FMO3: variants seen among roughly 807,000 people sequenced by gnomAD.
FMO3 encodes flavin containing dimethylaniline monoxygenase 3, also known as flavin-containing monooxygenase 3.
Under a neutral mutation model 39.4 loss-of-function variants are expected in FMO3, and 40 were observed. The ratio of observed to expected loss-of-function variants is 1.02; its 90% CI spans 0.79 to 1.32. FMO3 has a LOEUF of 1.32. Ranked by LOEUF, FMO3 falls within the 40% of genes most tolerant of loss-of-function variation. The pLI is 0.00. For synonymous variants in FMO3, 219 were observed against 228.8 expected, an observed-to-expected ratio of 0.96 and a Z score of 0.39; for missense variants, 680 against 651.8, an observed-to-expected ratio of 1.04 and a Z score of -0.47.
At chr1:171,096,759 A>AT (rs1208060382) in intron 2 of FMO3, among the ~76,000 whole-genome samples, 3 of 135,452 alleles carry the variant, frequency 2.2e-5, no homozygotes, top group Non-Finnish European at 3.1e-5. Flanking sequence ...TTATATTAAA[A>AT]ATATATAATT....
intron 8 of FMO3, 46 bp from the exon 9 acceptor site, chr1:171,117,052 TAC>T (rs1656187414): frequency 1.5e-6 from 2 of 1,366,528 alleles, no homozygotes; most frequent in African/African-American, 1.4e-5. Context: ...GTTCTGTTTC[TAC>T]ACAGAGTTTG....
intron 1 of FMO3, among the ~76,000 whole-genome samples, chr1:171,092,321 G>C (rs900571591): frequency 1.3e-5 from 2 of 152,178 alleles, no homozygotes; most frequent in African/African-American, 4.8e-5. Context: ...CTGAACTCAA[G>C]TGATCCTACC....
intron 2 of FMO3, among the ~76,000 whole-genome samples, chr1:171,094,937 A>G (rs1371509030): frequency 6.6e-6 from 1 of 152,166 alleles, no homozygotes; most frequent in Non-Finnish European, 1.5e-5. Flanking sequence ...TTGGTTCCAT[A>G]TGAATTTTTA....
intron 2 of FMO3, among the ~76,000 whole-genome samples, chr1:171,093,832 T>A (rs1557931090): frequency 2.2e-5 from 3 of 134,092 alleles, no homozygotes; most frequent in African/African-American, 8.5e-5. Flanking sequence ...AATATCTTTT[T>A]TTTTTTTTTT....
intron 7 of FMO3, 36 bp from the exon 8 acceptor site, chr1:171,116,172 T>G: frequency 1.6e-6 from 2 of 1,243,820 alleles, no homozygotes; most frequent in Non-Finnish European, 2.3e-6. Flanking sequence ...TATGCCAGAC[T>G]CATTAATTAC....
intron 6 of FMO3, among the ~76,000 whole-genome samples, chr1:171,113,199 TC>T (rs1358409405): frequency 6.6e-6 from 1 of 152,188 alleles, no homozygotes; most frequent in African/African-American, 2.4e-5. Flanking sequence ...TTCACATTCA[TC>T]CCTGGGTTCA....
Position 171,092,758 on chromosome 1 carries a change from A to T in FMO3, c.100A>T (p.Ser34Cys). 6.2e-7 allele frequency: 1 copy of T among 1,614,052 alleles called. No individual in the cohort carries two copies. Among genetic ancestry groups the T allele is most frequent in the Non-Finnish European group, 8.5e-7 (1 of 1,179,996 alleles). Residue 34 changes from serine to cysteine, a missense_variant, in exon 2 of 9, where the codon AGC becomes TGC. Physicochemically the swap from Ser to Cys is moderately radical, Grantham distance 112 (BLOSUM62 -1). Coordinates refer to ENST00000367755, the MANE Select transcript of FMO3 (RefSeq NM_001002294.3). ...GCTGGAGCCCACCTGCTTTGAGAAG[A>T]GCAATGACATTGGGGGCCTGTGGAA... The part of the protein sequence containing the change: ...EGLEPTCFEK[S>C]NDIGGLWKFS...
chr1:171,096,150 TGAA>T (rs1655023727), intron 2 of FMO3, among the ~76,000 whole-genome samples: 1 of 79,418 alleles, frequency 1.3e-5, no homozygotes, highest in African/African-American at 5.5e-5. Flanking sequence ...TATATTGATA[TGAA>T]TATATAATAT....
Position 171,096,677 on chromosome 1 carries a change from ATT to A in FMO3, c.132+3889_132+3890del, listed in dbSNP as rs1329741590. 7.4e-5 allele frequency among the ~76,000 whole-genome samples: 10 copies of A among 135,872 alleles called. No homozygotes were observed. The East Asian group carries it at 2.2e-3, about 30-fold the overall frequency. 89.1% of individuals were successfully genotyped at this position (135,872 alleles called of 152,430 possible). A position where few individuals can be genotyped will look rare whatever the true frequency, so the allele number is the denominator to read the frequency against. ...TTTATATTTAAAATATATATTTTATATTTAAAATATAATTAATATAATTATAT... is the reference window on the plus strand; with the variant it reads ...TTTATATTTAAAATATATATTTTATATAAAATATAATTAATATAATTATAT... On this transcript the variant is annotated intron_variant, in intron 2 of 8. Transcript: ENST00000367755.
intron 1 of FMO3, among the ~76,000 whole-genome samples, chr1:171,091,210 C>T (rs1441860852): frequency 2.7e-5 from 4 of 149,390 alleles, no homozygotes; most frequent in Non-Finnish European, 4.4e-5. Context: ...TGGATAAAAG[C>T]GAAACTCCGT....
chr1:171,095,069 A>C (rs1209040468), intron 2 of FMO3, among the ~76,000 whole-genome samples: 1 of 152,030 alleles, frequency 6.6e-6, no homozygotes, highest in Non-Finnish European at 1.5e-5. Flanking sequence ...GAGATGTTTT[A>C]CCATTTGTGT....
chr1:171,117,334 G>A lies in FMO3; in HGVS notation c.1491G>A (p.Met497Ile). ...LTQWDRSLKP[M>I]QTRVVGRLQK... ...AGTGGGACCGGTCGTTGAAACCCATGCAGACACGAGTGGTCGGGAGACTTC... is the reference window on the plus strand; with the variant it reads ...AGTGGGACCGGTCGTTGAAACCCATACAGACACGAGTGGTCGGGAGACTTC... Residue 497 changes from methionine (M) to isoleucine (I), a missense_variant, in exon 9 of 9, where the codon ATG (methionine) becomes ATA (isoleucine). Physicochemically the swap from Met to Ile is conservative, Grantham distance 10. Coordinates refer to ENST00000367755, the MANE Select transcript of FMO3 (RefSeq NM_001002294.3). 6.2e-7 allele frequency: 1 copy of A among 1,613,772 alleles called. No individual in the cohort carries two copies. Among genetic ancestry groups the A allele is most frequent in the Non-Finnish European group, 8.5e-7 (1 of 1,179,742 alleles).
At position 171,113,877 on chromosome 1, in the gene FMO3, T is replaced by A. The variant is rs1312297000; in HGVS notation, c.828-130T>A. 4 of 598,640 alleles carry A rather than the reference T, an allele frequency of 6.7e-6. No homozygotes were observed. The Admixed American group carries it at 9.3e-5, about 14-fold the overall frequency. 37.1% of individuals were successfully genotyped at this position (598,640 alleles called of 1,614,324 possible). On this transcript the variant is annotated intron_variant, in intron 6 of 8. Coordinates refer to ENST00000367755, the MANE Select transcript of FMO3 (RefSeq NM_001002294.3). ...CATCAATTTTGTTCTTCAGCCATAT[T>A]GGAGATACTCTATGCCTCAGAAAAA...
chr1:171,109,526 CTTTTTTTTTTTTTTT>C (rs780479699), intron 5 of FMO3, among the ~76,000 whole-genome samples: 2 of 58,998 alleles, frequency 3.4e-5, no homozygotes, highest in African/African-American at 7.1e-5. Context: ...TTAGTCTCTT[CTTTTTTTTTTTTTTT>C]TTTTTTTTTT....
intron 2 of FMO3, among the ~76,000 whole-genome samples, chr1:171,103,117 A>G (rs1200065576): frequency 2.6e-5 from 4 of 152,334 alleles, no homozygotes; most frequent in Admixed American, 2.6e-4. Flanking sequence ...GAGTTGACAC[A>G]TTGAAATTAT....
rs761045370 is a variant in FMO3, at chr1:171,091,606, G to A, written c.-7+625G>A. 5.4e-4 allele frequency among the ~76,000 whole-genome samples: 74 copies of A among 138,290 alleles called. 1 individual carries two copies. Among genetic ancestry groups the A allele is most frequent in the African/African-American group, 2.0e-3 (70 of 35,400 alleles). 90.7% of individuals were successfully genotyped at this position (138,290 alleles called of 152,430 possible). On this transcript the variant is annotated intron_variant, in intron 1 of 8. Coordinates refer to ENST00000367755, the MANE Select transcript of FMO3 (RefSeq NM_001002294.3). ...ATGACTTCTTTCCCCAACACCCCCC[G>A]GAGAGAAGGTCTCACTCTGTCACCT... is the stretch of plus-strand genomic sequence containing the variant.
In FMO3 at chr1:171,113,126, C is replaced by T. The variant is rs559984481; in HGVS notation, c.828-881C>T. ...GGAGTTTGTTCTCCAGTGGAATCTG[C>T]CTGTAGCACTCTCTCACAGCTCCCA... On this transcript the variant is annotated intron_variant, in intron 6 of 8. Coordinates refer to ENST00000367755, the MANE Select transcript of FMO3 (RefSeq NM_001002294.3). 3.9e-5 allele frequency among the ~76,000 whole-genome samples: 6 copies of T among 152,104 alleles called. No individual in the cohort carries two copies. The East Asian group carries it at 1.2e-3, about 29-fold the overall frequency.
rs777622087 is a variant in FMO3, at chr1:171,116,226, C to G, written c.1202C>G (p.Ser401Cys). 10 of 1,605,110 alleles carry G rather than the reference C, an allele frequency of 6.2e-6. No homozygotes were observed. Among genetic ancestry groups the G allele is most frequent in the Non-Finnish European group, 8.5e-6 (10 of 1,172,388 alleles). The part of the protein sequence containing the change: ...QVIKGTCTLP[S>C]MEDMMNDINE... ...TTATCAGGAACTTGTACTTTGCCTTCTATGGAAGACATGATGAATGATATT... is the reference window on the plus strand; with the variant it reads ...TTATCAGGAACTTGTACTTTGCCTTGTATGGAAGACATGATGAATGATATT... Residue 401 changes from serine to cysteine, a missense_variant, in exon 8 of 9, where the codon TCT (serine) becomes TGT (cysteine). Coordinates refer to ENST00000367755, the MANE Select transcript of FMO3 (RefSeq NM_001002294.3).
chr1:171,106,353 T>C (rs1246989378), intron 3 of FMO3, among the ~76,000 whole-genome samples: 1 of 152,294 alleles, frequency 6.6e-6, no homozygotes, highest in East Asian at 1.9e-4. Context: ...TTGGTCAGGC[T>C]GGTCTCAAAC....
Sources: allele counts gnomAD v4.1 joint callset (sites outside exome capture counted in the v4.1 genomes callset), GRCh38; gene constraint gnomAD v4.1.1; transcripts MANE v1.5; gene names NCBI Gene and HGNC (gene_info 2026-07-23, HGNC 2026-07-21).